FKBP1B: variants seen among roughly 807,000 people sequenced by gnomAD.
FKBP1B encodes FKBP prolyl isomerase 1B.
In FKBP1B, 4 loss-of-function variants were observed where a neutral mutation model predicts 13.5. That is an observed-to-expected ratio of 0.30 (90% CI 0.15 to 0.68). The LOEUF (loss-of-function observed/expected upper bound fraction) is 0.68, where lower values mean the gene tolerates loss of function less well. Among genes scored for constraint, FKBP1B ranks in the 30% least tolerant of loss-of-function variants. The pLI, the probability that FKBP1B is intolerant of heterozygous loss-of-function variation, is 0.76. For synonymous variants in FKBP1B, 54 were observed against 53.6 expected (o/e 1.01, Z -0.03); for missense variants, 93 against 136.2 (o/e 0.68, Z 1.58).
the FKBP1B span, among the ~76,000 whole-genome samples, chr2:24,035,764 A>AT: frequency 4.0e-5 from 6 of 151,188 alleles, no homozygotes; most frequent in Admixed American, 1.3e-4. Context: ...TTAAAAAAAA[A>AT]TTTTTTTTAA....
chr2:24,039,461 C>T, the FKBP1B span: 2 of 1,614,160 alleles, frequency 1.2e-6, no homozygotes, highest in East Asian at 2.2e-5. Context: ...GCATTCAGTC[C>T]AGTCCTGAGT....
the FKBP1B span, among the ~76,000 whole-genome samples, chr2:24,036,735 A>G: frequency 6.6e-6 from 1 of 152,228 alleles, no homozygotes; most frequent in South Asian, 2.1e-4. Context: ...AGTATGAAGT[A>G]AAGAGTGCAC....
the FKBP1B span, chr2:24,038,007 A>C: frequency 1.9e-6 from 3 of 1,614,050 alleles, no homozygotes; most frequent in Non-Finnish European, 2.5e-6. Flanking sequence ...GGATTTCTTT[A>C]ATAAGTGTTC....
chr2:24,062,092 C>T lies in FKBP1B; in HGVS notation c.199-972C>T, dbSNP rs557421515. 5.3e-5 allele frequency among the ~76,000 whole-genome samples: 8 copies of T among 152,190 alleles called. No individual in the cohort carries two copies. The South Asian group carries it at 6.2e-4, about 12-fold the overall frequency. ...TCACCGTTGTTAGCCAAGATGGTCTCGGTCTCCTGACCTCGTGATCTGCCC... is the reference window on the plus strand; with the variant it reads ...TCACCGTTGTTAGCCAAGATGGTCTTGGTCTCCTGACCTCGTGATCTGCCC... On this transcript the variant is annotated intron_variant, in intron 3 of 3. Transcript: ENST00000380986.
chr2:24,040,945 G>A, the FKBP1B span, among the ~76,000 whole-genome samples: 1 of 152,174 alleles, frequency 6.6e-6, no homozygotes, highest in African/African-American at 2.4e-5. Context: ...GAACTGGGGA[G>A]GCAGAGGCTA....
the FKBP1B span, chr2:24,037,927 G>A: frequency 7.4e-6 from 12 of 1,614,138 alleles, no homozygotes; most frequent in Middle Eastern, 1.6e-4. Context: ...TCTGGGCAGC[G>A]ATGCTGGCTG....
upstream of FKBP1B, among the ~76,000 whole-genome samples, chr2:24,047,103 C>G (rs543005827): frequency 2.0e-5 from 3 of 152,056 alleles, no homozygotes; most frequent in Non-Finnish European, 4.4e-5. Flanking sequence ...ATTCACGAGT[C>G]ACGGTCATAA....
the FKBP1B span, chr2:24,037,672 T>C: frequency 6.2e-7 from 1 of 1,602,154 alleles, no homozygotes; most frequent in Non-Finnish European, 8.5e-7. Flanking sequence ...CAAAGGAGAA[T>C]TTACCTGGTA....
upstream of FKBP1B, among the ~76,000 whole-genome samples, chr2:24,045,321 G>A (rs934724602): frequency 6.6e-6 from 1 of 152,306 alleles, no homozygotes; most frequent in East Asian, 1.9e-4. Flanking sequence ...GGCAGGGCAG[G>A]CTGGGTGTGG....
At chr2:24,039,121 C>T in the FKBP1B span, 40 of 1,614,182 alleles carry the variant, frequency 2.5e-5, no homozygotes, top group Non-Finnish European at 3.2e-5. Flanking sequence ...CAGAATAGCA[C>T]ATTTTGGGTG....
chr2:24,037,377 T>C, the FKBP1B span, among the ~76,000 whole-genome samples: 1 of 152,364 alleles, frequency 6.6e-6, no homozygotes, highest in East Asian at 1.9e-4. Context: ...GAAAAGGTTG[T>C]CACAATGAAA....
the FKBP1B span, among the ~76,000 whole-genome samples, chr2:24,040,698 C>T: frequency 6.6e-6 from 1 of 152,122 alleles, no homozygotes; most frequent in Admixed American, 6.6e-5. Flanking sequence ...ATATTTTTCC[C>T]CCAGGCATTT....
chr2:24,056,085 G>A (rs996133878), intron 2 of FKBP1B, among the ~76,000 whole-genome samples: 1 of 152,078 alleles, frequency 6.6e-6, no homozygotes, highest in African/African-American at 2.4e-5. Flanking sequence ...TGCCTCCTGG[G>A]TTCAAGCGAT....
the FKBP1B span, among the ~76,000 whole-genome samples, chr2:24,036,370 G>T: frequency 6.6e-6 from 1 of 152,064 alleles, no homozygotes; most frequent in South Asian, 2.1e-4. Flanking sequence ...AGCCAAGTGT[G>T]GTGGCATGTG....
At chr2:24,059,372 T>TGGCG (rs1553320911) in intron 2 of FKBP1B, among the ~76,000 whole-genome samples, 32 of 144,558 alleles carry the variant, frequency 2.2e-4, no homozygotes, top group African/African-American at 7.3e-4. Context: ...GACCAGCACC[T>TGGCG]GGGGGGGGGT....
intron 2 of FKBP1B, among the ~76,000 whole-genome samples, chr2:24,058,804 C>A (rs939339343): frequency 6.6e-6 from 1 of 152,226 alleles, no homozygotes. Context: ...ATCTTAGCAA[C>A]CTTAGCAAAT....
chr2:24,044,783 C>T (rs1487905451), upstream of FKBP1B, among the ~76,000 whole-genome samples: 1 of 147,274 alleles, frequency 6.8e-6, no homozygotes, highest in African/African-American at 2.5e-5. Flanking sequence ...CCAAATGAGC[C>T]TGCATACTAT....
intron 2 of FKBP1B, among the ~76,000 whole-genome samples, chr2:24,056,101 T>C (rs1486279473): frequency 6.6e-6 from 1 of 152,100 alleles, no homozygotes; most frequent in Non-Finnish European, 1.5e-5. Context: ...GCGATTCTCC[T>C]GCCTTAGCCT....
chr2:24,053,385 T>G (rs1663968975), intron 1 of FKBP1B, among the ~76,000 whole-genome samples: 1 of 145,230 alleles, frequency 6.9e-6, no homozygotes, highest in Non-Finnish European at 1.5e-5. Flanking sequence ...CACCTCAGCC[T>G]CCCAAAGTGC....
Sources: gnomAD v4.1 joint callset for allele counts (sites outside exome capture counted in the v4.1 genomes callset) on GRCh38, gnomAD v4.1.1 for gene constraint, MANE v1.5 for transcripts, NCBI Gene and HGNC (gene_info 2026-07-23, HGNC 2026-07-21) for gene names.